Variants in PDE4D observed in about 807,000 individuals in gnomAD.
The protein encoded by PDE4D is phosphodiesterase 4D.
In PDE4D, 24 loss-of-function variants were observed where a neutral mutation model predicts 87.4. That is an observed-to-expected ratio of 0.27 (90% CI 0.20 to 0.39). The LOEUF (loss-of-function observed/expected upper bound fraction) is 0.39, where lower values mean the gene tolerates loss of function less well. Among genes scored for constraint, PDE4D ranks in the 10% least tolerant of loss-of-function variants. PDE4D has a pLI of 1.00. For synonymous variants in PDE4D, 384 were observed against 383.2 expected, an observed-to-expected ratio of 1.00 and a Z score of -0.02; for missense variants, 714 against 1,041.0, an observed-to-expected ratio of 0.69 and a Z score of 4.32.
chr5:59,634,063 GA>G (rs34921368), intron 1 of PDE4D, among the ~76,000 whole-genome samples: 118,218 of 149,990 alleles, frequency 0.79, 46,412 homozygotes, highest in South Asian at 0.9. Context: ...CAAACAGAAA[GA>G]AAAAAAAAAG....
At chr5:59,746,474 C>A (rs901160951) in intron 1 of PDE4D, among the ~76,000 whole-genome samples, 9 of 152,126 alleles carry the variant, frequency 5.9e-5, no homozygotes, top group Admixed American at 5.9e-4. Context: ...GCCATCCCAG[C>A]AGAGGAGTTT....
At chr5:59,433,476 T>C (rs911284934) in intron 1 of PDE4D, among the ~76,000 whole-genome samples, 1 of 151,968 alleles carries the variant, frequency 6.6e-6, no homozygotes, top group African/African-American at 2.4e-5. Flanking sequence ...GGGAAGAAAA[T>C]GGAATCTTTC....
At chr5:60,434,637 T>C (rs1744620895) in intron 1 of PDE4D, among the ~76,000 whole-genome samples, 1 of 152,158 alleles carries the variant, frequency 6.6e-6, no homozygotes, top group South Asian at 2.1e-4. Context: ...GTAATTCAGA[T>C]ATTATGCAGA....
In PDE4D at chr5:59,034,988, A is replaced by C. The variant is rs573000095; in HGVS notation, c.921+3871T>G. Among the ~76,000 whole-genome samples the C allele has an allele frequency of 4.6e-5, 7 of 152,362 alleles. No homozygotes were observed. In the East Asian group the frequency reaches 1.3e-3, roughly 29 times the overall value. On this transcript the variant is annotated intron_variant, in intron 6 of 14. Coordinates refer to ENST00000340635, the MANE Select transcript of PDE4D (RefSeq NM_001104631.2). ...ACAGGGAAGGCCTGGTGAAATGTGC[A>C]TTATTAGGTCACAAGAGGATAACGT...
intron 1 of PDE4D, among the ~76,000 whole-genome samples, chr5:59,376,789 A>G (rs1438216540): frequency 6.6e-6 from 1 of 152,180 alleles, no homozygotes; most frequent in Non-Finnish European, 1.5e-5. Context: ...AAACTATACT[A>G]CAGGGCCACA....
intron 2 of PDE4D, among the ~76,000 whole-genome samples, chr5:60,093,743 C>A (rs757526070): frequency 6.6e-6 from 1 of 151,834 alleles, no homozygotes. Context: ...AAAAATAATT[C>A]TCCACTAAGA....
chr5:60,101,679 CT>C (rs1391108748), intron 2 of PDE4D, among the ~76,000 whole-genome samples: 2 of 152,078 alleles, frequency 1.3e-5, no homozygotes, highest in East Asian at 3.8e-4. Context: ...TAAGTAGAAT[CT>C]TAGAAGCTAG....
intron 1 of PDE4D, among the ~76,000 whole-genome samples, chr5:59,360,835 C>CT (rs1350227335): frequency 6.6e-6 from 1 of 152,092 alleles, no homozygotes; most frequent in African/African-American, 2.4e-5. Context: ...CTTAAGAACA[C>CT]TGGGAAAGCA....
At chr5:60,160,291 T>C (rs1782359678) in intron 2 of PDE4D, among the ~76,000 whole-genome samples, 1 of 152,174 alleles carries the variant, frequency 6.6e-6, no homozygotes, top group South Asian at 2.1e-4. Context: ...AAGTCAAACA[T>C]TACACACAGA....
chr5:59,651,105 A>G (rs1022227363), intron 1 of PDE4D, among the ~76,000 whole-genome samples: 1 of 151,562 alleles, frequency 6.6e-6, no homozygotes, highest in African/African-American at 2.4e-5. Flanking sequence ...AATACAAAAA[A>G]ATTAGCCTGG....
chr5:60,494,532 T>C (rs184596962), intron 1 of PDE4D, among the ~76,000 whole-genome samples: 3 of 152,168 alleles, frequency 2.0e-5, no homozygotes, highest in South Asian at 2.1e-4. Flanking sequence ...GTGACATAGG[T>C]CCAGTTTGTC....
At chr5:59,994,003 CATA>C (rs1763275417) in intron 2 of PDE4D, among the ~76,000 whole-genome samples, 1 of 151,812 alleles carries the variant, frequency 6.6e-6, no homozygotes, top group Admixed American at 6.6e-5. Flanking sequence ...TAAGCAATTC[CATA>C]ATAATTGACA....
intron 1 of PDE4D, among the ~76,000 whole-genome samples, chr5:59,323,878 T>A (rs1422925459): frequency 6.6e-6 from 1 of 152,138 alleles, no homozygotes; most frequent in Non-Finnish European, 1.5e-5. Context: ...GAAATTTCTA[T>A]GTGACTTATC....
chr5:60,398,486 G>T (rs917131784), intron 1 of PDE4D, among the ~76,000 whole-genome samples: 1 of 152,128 alleles, frequency 6.6e-6, no homozygotes, highest in African/African-American at 2.4e-5. Context: ...CAGCTGAGAG[G>T]ACTAATCCTT....
intron 1 of PDE4D, among the ~76,000 whole-genome samples, chr5:60,190,808 C>T (rs1785141978): frequency 6.6e-6 from 1 of 152,184 alleles, no homozygotes; most frequent in Non-Finnish European, 1.5e-5. Flanking sequence ...TGCAATCTAC[C>T]TGTAACCACA....
intron 1 of PDE4D, chr5:59,357,052 C>T: frequency 2.1e-6 from 1 of 481,808 alleles, no homozygotes; most frequent in Admixed American, 4.4e-5. Context: ...TGCTGCATGA[C>T]ACTTGGCCTT....
chr5:59,527,962 C>T (rs1448642403), intron 1 of PDE4D, among the ~76,000 whole-genome samples: 1 of 152,090 alleles, frequency 6.6e-6, no homozygotes, highest in Non-Finnish European at 1.5e-5. Context: ...TATCTGAAAC[C>T]TCAACTCCTC....
intron 1 of PDE4D, among the ~76,000 whole-genome samples, chr5:59,853,152 T>A (rs1435532438): frequency 6.6e-6 from 1 of 152,028 alleles, no homozygotes; most frequent in African/African-American, 2.4e-5. Flanking sequence ...TTAGACACAA[T>A]GAAAATCGTG....
chr5:59,836,531 T>C (rs185909064), intron 1 of PDE4D, among the ~76,000 whole-genome samples: 1 of 151,986 alleles, frequency 6.6e-6, no homozygotes, highest in Non-Finnish European at 1.5e-5. Flanking sequence ...AGGGATTGGA[T>C]TGAAGGCTGA....
Sources: gnomAD v4.1 joint callset for allele counts (sites outside exome capture counted in the v4.1 genomes callset) on GRCh38, gnomAD v4.1.1 for gene constraint, MANE v1.5 for transcripts, NCBI Gene and HGNC (gene_info 2026-07-23, HGNC 2026-07-21) for gene names.